ERBB4: variants seen among roughly 807,000 people sequenced by gnomAD.
The protein encoded by ERBB4 is erb-b2 receptor tyrosine kinase 4.
Under a neutral mutation model 158.0 loss-of-function variants are expected in ERBB4, and 42 were observed. That is an observed-to-expected ratio of 0.27 (90% CI 0.21 to 0.34). The LOEUF (loss-of-function observed/expected upper bound fraction) is 0.34. Among genes scored for constraint, ERBB4 ranks in the 10% least tolerant of loss-of-function variants. The pLI is 1.00. For missense variants in ERBB4, 1,333 were observed against 1,624.1 expected, an observed-to-expected ratio of 0.82 and a Z score of 3.08; for synonymous variants, 583 against 558.7, an observed-to-expected ratio of 1.04 and a Z score of -0.61.
intron 1 of ERBB4, among the ~76,000 whole-genome samples, chr2:212,396,570 C>G (rs1416534076): frequency 6.6e-6 from 1 of 151,842 alleles, no homozygotes; most frequent in East Asian, 1.9e-4. Context: ...AGTAAGAACC[C>G]CGAGATATTA....
chr2:212,434,517 G>A (rs1055951985), intron 1 of ERBB4, among the ~76,000 whole-genome samples: 1 of 151,862 alleles, frequency 6.6e-6, no homozygotes, highest in South Asian at 2.1e-4. Context: ...TAAGAGTAGG[G>A]GGAGTGTGGG....
At chr2:211,777,342 A>C (rs552974863) in intron 4 of ERBB4, 7 of 152,298 alleles carry the variant, frequency 4.6e-5, no homozygotes, top group African/African-American at 1.7e-4. Flanking sequence ...ACCAAACACA[A>C]CTGCGTAAAA....
intron 13 of ERBB4, among the ~76,000 whole-genome samples, chr2:211,675,164 G>T (rs2072009925): frequency 6.6e-6 from 1 of 152,082 alleles, no homozygotes. Flanking sequence ...CCTTTCACTT[G>T]AATCAGATTT....
intron 1 of ERBB4, among the ~76,000 whole-genome samples, chr2:212,181,068 A>C (rs2081844183): frequency 6.6e-6 from 1 of 151,418 alleles, no homozygotes; most frequent in Non-Finnish European, 1.5e-5. Flanking sequence ...GATAACTGAG[A>C]CCCCAGATGG....
At chr2:211,902,028 T>A (rs987213680) in intron 3 of ERBB4, among the ~76,000 whole-genome samples, 4 of 152,118 alleles carry the variant, frequency 2.6e-5, no homozygotes, top group Non-Finnish European at 5.9e-5. Context: ...AAATAGTTTT[T>A]TTTTTAGTTA....
intron 25 of ERBB4, among the ~76,000 whole-genome samples, chr2:211,402,005 G>A (rs962762185): frequency 1.9e-4 from 29 of 151,462 alleles, no homozygotes; most frequent in African/African-American, 6.5e-4. Flanking sequence ...ATTAAGCCAG[G>A]GTGCAGCTAT....
intron 19 of ERBB4, among the ~76,000 whole-genome samples, chr2:211,587,896 G>A (rs1046466679): frequency 6.6e-6 from 1 of 152,128 alleles, no homozygotes; most frequent in Non-Finnish European, 1.5e-5. Context: ...TCAGATATGT[G>A]AAATGACACA....
chr2:211,653,732 T>C (rs1407186537), intron 16 of ERBB4, among the ~76,000 whole-genome samples: 1 of 152,080 alleles, frequency 6.6e-6, no homozygotes, highest in Non-Finnish European at 1.5e-5. Context: ...TGGAGTGTAG[T>C]GACACGACCT....
intron 20 of ERBB4, among the ~76,000 whole-genome samples, chr2:211,433,885 C>T (rs1447018232): frequency 4.6e-5 from 7 of 152,120 alleles, no homozygotes; most frequent in Admixed American, 1.3e-4. Flanking sequence ...AAGATCCCTC[C>T]GCTCACTATT....
intron 4 of ERBB4, 49 bp from the exon 5 acceptor site, chr2:211,750,753 CT>C: frequency 6.7e-7 from 1 of 1,493,644 alleles, no homozygotes; most frequent in Non-Finnish European, 9.3e-7. Flanking sequence ...TAATCTTTCA[CT>C]CCTTGACTAG....
At chr2:211,822,670 T>C (rs1439248) in intron 3 of ERBB4, among the ~76,000 whole-genome samples, 42,085 of 151,870 alleles carry the variant, frequency 0.28, 6,283 homozygotes, top group East Asian at 0.42. Flanking sequence ...GTTTCAGAAG[T>C]TGGGGAGATT....
intron 2 of ERBB4, among the ~76,000 whole-genome samples, chr2:212,018,702 C>A (rs768202221): frequency 1.1e-4 from 17 of 152,090 alleles, no homozygotes; most frequent in Non-Finnish European, 2.2e-4. Context: ...CAGTTCAAGA[C>A]CCTCTGGGTC....
intron 19 of ERBB4, among the ~76,000 whole-genome samples, chr2:211,591,056 A>C (rs1206393860): frequency 2.0e-5 from 3 of 152,264 alleles, no homozygotes; most frequent in Non-Finnish European, 2.9e-5. Context: ...GTCTGTTATC[A>C]CATTGTTAGC....
In ERBB4 at chr2:211,430,994, G is replaced by C. The variant is rs2125429639; in HGVS notation, c.2594C>G (p.Ala865Gly). ...TTTTTCATCTCCTTCCAAGAGTCTG[G>C]CTAGCCCAAAATCTGTGATTTTCAC... is the stretch of plus-strand genomic sequence containing the variant. ...NHVKITDFGL[A>G]RLLEGDEKEY... The change falls in exon 21 of 28, where the codon GCC (alanine) becomes GGC (glycine). Residue 865 changes from alanine to glycine, a missense_variant. Physicochemically the swap from Ala to Gly is moderately conservative, Grantham distance 60. Coordinates refer to ENST00000342788, the MANE Select transcript of ERBB4 (RefSeq NM_005235.3). 6.2e-7 allele frequency: 1 copy of C among 1,613,742 alleles called. No individual in the cohort carries two copies. The highest frequency in any genetic ancestry group is 1.1e-5 in the South Asian group (1 of 91,064).
intron 1 of ERBB4, among the ~76,000 whole-genome samples, chr2:212,179,248 T>C (rs575381993): frequency 2.6e-5 from 4 of 151,650 alleles, no homozygotes; most frequent in South Asian, 4.1e-4. Context: ...AGCTACCTGA[T>C]GACTCTTCGA....
intron 14 of ERBB4, among the ~76,000 whole-genome samples, chr2:211,669,165 G>A (rs550013039): frequency 1.4e-5 from 2 of 142,852 alleles, no homozygotes; most frequent in Admixed American, 7.3e-5. Context: ...AGAGGTTGCC[G>A]TGAGCTGAGA....
chr2:212,000,480 A>G (rs983663663), intron 2 of ERBB4, among the ~76,000 whole-genome samples: 3 of 151,946 alleles, frequency 2.0e-5, no homozygotes, highest in African/African-American at 7.2e-5. Context: ...GGAGGTTTTA[A>G]GGAAAAGAAG....
At chr2:212,496,217 A>T (rs954605421) in intron 1 of ERBB4, among the ~76,000 whole-genome samples, 2 of 151,962 alleles carry the variant, frequency 1.3e-5, no homozygotes, top group African/African-American at 4.8e-5. Context: ...CAAGCAGAAA[A>T]CCAGAATAAA....
chr2:212,350,625 AT>A (rs1408105502), intron 1 of ERBB4, among the ~76,000 whole-genome samples: 1 of 152,168 alleles, frequency 6.6e-6, no homozygotes, highest in Non-Finnish European at 1.5e-5. Context: ...GTAAAGCGAT[AT>A]TAAGTCGTTC....
Sources: allele counts gnomAD v4.1 joint callset (sites outside exome capture counted in the v4.1 genomes callset), GRCh38; gene constraint gnomAD v4.1.1; transcripts MANE v1.5; gene names NCBI Gene and HGNC (gene_info 2026-07-23, HGNC 2026-07-21).